RBFOX1: variants seen among roughly 807,000 people sequenced by gnomAD.
RBFOX1 encodes RNA binding protein fox-1 homolog 1.
A neutral mutation model predicts 57.7 loss-of-function variants in RBFOX1; 8 were observed. That is an observed-to-expected ratio of 0.14 (90% CI 0.08 to 0.25). RBFOX1 has a LOEUF of 0.25. RBFOX1 is among the 10% of genes least tolerant of loss of function. The pLI is 1.00. For synonymous variants in RBFOX1, 326 were observed against 222.4 expected (o/e 1.47, Z -4.15); for missense variants, 611 against 548.5 (o/e 1.11, Z -1.14).
chr16:5,654,466 A>G (rs574182171), intron 3 of RBFOX1, among the ~76,000 whole-genome samples: 1 of 152,280 alleles, frequency 6.6e-6, no homozygotes, highest in South Asian at 2.1e-4. Flanking sequence ...GTTGGGAAGG[A>G]ACGTTCTCAC....
At chr16:6,312,269 A>G (rs1599508288) in intron 1 of RBFOX1, among the ~76,000 whole-genome samples, 1 of 152,146 alleles carries the variant, frequency 6.6e-6, no homozygotes, top group Non-Finnish European at 1.5e-5. Context: ...AAGAACCAGC[A>G]TTTCTGAACC....
intron 4 of RBFOX1, among the ~76,000 whole-genome samples, chr16:7,091,568 A>G (rs886708088): frequency 2.0e-5 from 3 of 151,672 alleles, no homozygotes; most frequent in African/African-American, 4.8e-5. Context: ...CATTTTTTCT[A>G]CAGGATCCTG....
intron 2 of RBFOX1, among the ~76,000 whole-genome samples, chr16:6,588,035 G>A (rs1031067987): frequency 6.6e-6 from 1 of 151,972 alleles, no homozygotes; most frequent in African/African-American, 2.4e-5. Context: ...TTTGAGACCA[G>A]CCTGGCCAAC....
intron 2 of RBFOX1, among the ~76,000 whole-genome samples, chr16:5,569,720 C>T (rs1313902767): frequency 2.0e-5 from 3 of 151,932 alleles, no homozygotes; most frequent in Non-Finnish European, 4.4e-5. Context: ...ATTCAGTTGA[C>T]GAGTTCCCCC....
At chr16:6,902,377 C>A (rs1157558378) in intron 3 of RBFOX1, among the ~76,000 whole-genome samples, 2 of 152,166 alleles carry the variant, frequency 1.3e-5, no homozygotes. Context: ...AAGTGAATAT[C>A]TGGAGCTATC....
At position 7,332,199 on chromosome 16, in the gene RBFOX1, C is replaced by G. The variant is rs918572349; in HGVS notation, c.28-185948C>G. ...CACTGCCTTGTACGAGCTATGTGAC[C>G]ATGAGCAAACCATTTAACTAGTATC... On this transcript the variant is annotated intron_variant, in intron 4 of 15. Transcript: ENST00000550418. Among the ~76,000 whole-genome samples the G allele has an allele frequency of 4.4e-4, 67 of 152,178 alleles. 1 individual carries two copies. Among genetic ancestry groups the G allele is most frequent in the African/African-American group, 1.6e-3 (66 of 41,450 alleles).
At chr16:5,545,946 T>C (rs2045181587) in intron 2 of RBFOX1, among the ~76,000 whole-genome samples, 1 of 152,106 alleles carries the variant, frequency 6.6e-6, no homozygotes, top group Admixed American at 6.5e-5. Context: ...AAAACTTTTT[T>C]TTTGCTGAAC....
At chr16:6,170,181 A>G (rs1377507542) in intron 1 of RBFOX1, among the ~76,000 whole-genome samples, 2 of 152,292 alleles carry the variant, frequency 1.3e-5, no homozygotes, top group Admixed American at 6.5e-5. Context: ...CTATGGCATG[A>G]GGAAGGGTAT....
chr16:6,500,641 C>G (rs1008581771), intron 2 of RBFOX1, among the ~76,000 whole-genome samples: 1 of 152,122 alleles, frequency 6.6e-6, no homozygotes, highest in Non-Finnish European at 1.5e-5. Context: ...AGTACATGGA[C>G]TGTAACTACA....
intron 3 of RBFOX1, among the ~76,000 whole-genome samples, chr16:6,991,160 A>C (rs1028033736): frequency 4.0e-5 from 6 of 149,886 alleles, no homozygotes; most frequent in African/African-American, 1.5e-4. Context: ...AAAAAAAAAA[A>C]AAGACACGGT....
intron 13 of RBFOX1, among the ~76,000 whole-genome samples, chr16:7,669,274 C>G (rs930482388): frequency 5.4e-5 from 8 of 149,258 alleles, no homozygotes; most frequent in African/African-American, 2.1e-4. Flanking sequence ...TTAACTGAAC[C>G]AAGACATCTG....
chr16:7,139,236 T>TC (rs1328566427), intron 4 of RBFOX1, among the ~76,000 whole-genome samples: 1 of 148,714 alleles, frequency 6.7e-6, no homozygotes, highest in Non-Finnish European at 1.5e-5. Context: ...CTGCTCCTCC[T>TC]CTCTTCTCTT....
At chr16:6,739,612 C>G (rs1427970489) in intron 3 of RBFOX1, among the ~76,000 whole-genome samples, 2 of 151,986 alleles carry the variant, frequency 1.3e-5, no homozygotes, top group South Asian at 4.2e-4. Flanking sequence ...TGGGGTGGCT[C>G]ATGCCTGTAA....
rs558815834 is a variant in RBFOX1, at chr16:6,281,310, A to G, written c.-126-35685A>G. 4.6e-5 allele frequency among the ~76,000 whole-genome samples: 7 copies of G among 152,192 alleles called. No individual in the cohort carries two copies. In the South Asian group the frequency reaches 1.2e-3, roughly 27 times the overall value. On this transcript the variant is annotated intron_variant, in intron 1 of 15. Transcript: ENST00000550418. Reference sequence around the variant, plus strand: ...GGCACTGTTATTGATCCCATTTTTCAGAGGAGGAAGATGCATCTCAGAGAG... The same window carrying G: ...GGCACTGTTATTGATCCCATTTTTCGGAGGAGGAAGATGCATCTCAGAGAG...
intron 1 of RBFOX1, among the ~76,000 whole-genome samples, chr16:5,300,411 A>C (rs544700734): frequency 1.2e-3 from 183 of 152,274 alleles, no homozygotes; most frequent in African/African-American, 3.9e-3. Flanking sequence ...GGTACAGTGT[A>C]CACTGCTTGG....
rs138231854 is a variant in RBFOX1 at position 5,308,279 on chromosome 16, A to C, written c.219+68174A>C. Among the ~76,000 whole-genome samples the C allele has an allele frequency of 1.6e-3, 240 of 151,884 alleles. 1 individual carries two copies. Among genetic ancestry groups the C allele is most frequent in the African/African-American group, 5.5e-3 (228 of 41,418 alleles). ...GAGGCAGAGGTTGCAGTGAACTGAG[A>C]TTGCGCCACTACACTCTAGCCTGGG... is the stretch of plus-strand genomic sequence containing the variant. On this transcript the variant is annotated intron_variant, in intron 1 of 2. Coordinates refer to the RBFOX1 transcript ENST00000585867.
At chr16:6,664,720 G>A (rs1391078003) in intron 3 of RBFOX1, among the ~76,000 whole-genome samples, 1 of 152,230 alleles carries the variant, frequency 6.6e-6, no homozygotes, top group Non-Finnish European at 1.5e-5. Context: ...ATGGAAGTCA[G>A]TTCTGGAGAT....
chr16:7,577,770 A>T (rs12149405), intron 5 of RBFOX1, among the ~76,000 whole-genome samples: 1 of 151,880 alleles, frequency 6.6e-6, no homozygotes, highest in African/African-American at 2.4e-5. Flanking sequence ...ATAATGGCTC[A>T]TGCCTGTAAT....
At chr16:6,855,767 A>G (rs1398956439) in intron 3 of RBFOX1, among the ~76,000 whole-genome samples, 1 of 150,798 alleles carries the variant, frequency 6.6e-6, no homozygotes, top group Non-Finnish European at 1.5e-5. Flanking sequence ...TGGAAGTTTT[A>G]TCCTCTACCT....
Sources: allele counts gnomAD v4.1 joint callset (sites outside exome capture counted in the v4.1 genomes callset), GRCh38; gene constraint gnomAD v4.1.1; transcripts MANE v1.5; gene names NCBI Gene and HGNC (gene_info 2026-07-23, HGNC 2026-07-21).